Variants in ZNF71 observed in about 807,000 individuals in gnomAD.
The protein encoded by ZNF71 is zinc finger protein 71.
ZNF71 carries 3 observed loss-of-function variants against 6.7 expected under a neutral mutation model. The observed-to-expected ratio is 0.45, with a 90% CI of 0.20 to 1.16. The LOEUF is 1.16. ZNF71 is among the 50% of genes most tolerant of loss of function. The probability of loss-of-function intolerance (pLI) is 0.25; values close to 1 mark genes in which losing one functional copy is unlikely to be tolerated. For missense variants in ZNF71, 688 were observed against 728.6 expected, an observed-to-expected ratio of 0.94 and a Z score of 0.64; for synonymous variants, 343 against 311.1, an observed-to-expected ratio of 1.10 and a Z score of -1.08.
chr19:56,617,067 G>C (rs1006994988), intron 3 of ZNF71, among the ~76,000 whole-genome samples: 6 of 150,796 alleles, frequency 4.0e-5, no homozygotes, highest in African/African-American at 1.5e-4. Flanking sequence ...AAACCAAACT[G>C]TTAACTCTGG....
Position 56,598,791 on chromosome 19 carries a change from A to C in ZNF71, c.-52-2716A>C, listed in dbSNP as rs2044645167. On this transcript the variant is annotated intron_variant, in intron 1 of 3. Coordinates refer to ENST00000599599, the MANE Select transcript of ZNF71 (RefSeq NM_001370215.1). The surrounding 1 kb of genome is among the most constrained non-coding windows in gnomAD (Gnocchi z 4.2). ...GATTGAGTTCCAAAGGCTTCTGCCA[A>C]CTTGGCCTTATATATATGCCCCCCT... Among the ~76,000 whole-genome samples the C allele has an allele frequency of 6.6e-6, 1 of 150,750 alleles. No homozygotes were observed. The highest frequency in any genetic ancestry group is 2.5e-5 in the African/African-American group (1 of 40,650).
At chr19:56,620,998 C>T (rs1160654102) in intron 3 of ZNF71, among the ~76,000 whole-genome samples, 1 of 152,198 alleles carries the variant, frequency 6.6e-6, no homozygotes, top group Non-Finnish European at 1.5e-5. Flanking sequence ...TGCAGTTTCT[C>T]TCCAGGAGTG....
chr19:56,606,855 A>G (rs1465621899), intron 2 of ZNF71, among the ~76,000 whole-genome samples: 1 of 152,042 alleles, frequency 6.6e-6, no homozygotes, highest in Non-Finnish European at 1.5e-5. Flanking sequence ...GTCCCAGAAC[A>G]TTACCTCTGC....
At chr19:56,610,162 T>C (rs918515972) in intron 2 of ZNF71, 2 of 152,238 alleles carry the variant, frequency 1.3e-5, no homozygotes, top group African/African-American at 4.8e-5. Flanking sequence ...ATGGAAGTGC[T>C]AGGTCATAAG....
intron 3 of ZNF71, among the ~76,000 whole-genome samples, chr19:56,620,026 C>T (rs1381833215): frequency 1.3e-5 from 2 of 152,196 alleles, no homozygotes; most frequent in Non-Finnish European, 2.9e-5. Context: ...TGAACCCAAG[C>T]TCCACGGAAT....
At position 56,617,112 on chromosome 19, in the gene ZNF71, G is replaced by GTTTTTTTTTTTTTTTTT. The variant is rs748784485; in HGVS notation, c.160+3183_160+3184insTTTTTTTTTTTTTTTTT. 5.7e-5 allele frequency among the ~76,000 whole-genome samples: 8 copies of GTTTTTTTTTTTTTTTTT among 140,646 alleles called. 1 individual carries two copies. Among genetic ancestry groups the GTTTTTTTTTTTTTTTTT allele is most frequent in the Non-Finnish European group, 7.5e-5 (5 of 66,356 alleles). 92.3% of individuals were successfully genotyped at this position (140,646 alleles called of 152,430 possible). A position where few individuals can be genotyped will look rare whatever the true frequency, so the allele number is the denominator to read the frequency against. On this transcript the variant is annotated intron_variant, in intron 3 of 3. Transcript: ENST00000599599. ...TTACAGGAGACTTCCATTTTCTTTT[G>GTTTTTTTTTTTTTTTTT]TTTTTTTTTGTTTTTTTTGAGACAG...
chr19:56,621,855 G>T lies in ZNF71; in HGVS notation c.748G>T (p.Asp250Tyr). The T allele has an allele frequency of 6.2e-7, 1 of 1,612,042 alleles. No homozygotes were observed. Among genetic ancestry groups the T allele is most frequent in the South Asian group, 1.1e-5 (1 of 91,068 alleles). Residue 250 changes from aspartate (D) to tyrosine (Y), a missense_variant, in exon 4 of 4, where the codon GAC (aspartate) becomes TAC (tyrosine). By Grantham distance (160) the Asp-to-Tyr change is radical. Transcript: ENST00000599599. Reference protein sequence around the residue: ...HTGEKPYACGDCGKAFSQRMN... With the variant: ...HTGEKPYACGYCGKAFSQRMN... ...GGGCGAGAAGCCCTATGCCTGCGGG[G>T]ACTGCGGCAAGGCCTTCAGCCAGCG... is the stretch of plus-strand genomic sequence containing the variant.
chr19:56,601,780 G>A (rs73934487), intron 2 of ZNF71, among the ~76,000 whole-genome samples, 189 bp downstream of exon 2: 2,029 of 152,210 alleles, frequency 0.013, 37 homozygotes, highest in African/African-American at 0.044. Context: ...GGACAGGGAA[G>A]CTTTGGAATG....
Position 56,622,679 on chromosome 19 carries a change from G to A in ZNF71, c.1572G>A (p.Lys524=). The part of the protein sequence containing the change: ...TVHQRIHTGE[K]PYRCGECGKT... ...ACCAGCGGATCCACACGGGCGAGAA[G>A]CCCTACCGATGCGGCGAGTGCGGGA... The change falls in exon 4 of 4, where the codon AAG becomes AAA. Residue 524 remains lysine (K), a synonymous_variant. Transcript: ENST00000599599. 4.3e-6 allele frequency: 7 copies of A among 1,614,158 alleles called. No individual in the cohort carries two copies. The highest frequency in any genetic ancestry group is 5.1e-6 in the Non-Finnish European group (6 of 1,179,986).
intron 3 of ZNF71, among the ~76,000 whole-genome samples, chr19:56,616,475 A>G (rs927296697): frequency 6.6e-6 from 1 of 152,226 alleles, no homozygotes; most frequent in Admixed American, 6.5e-5. Context: ...ATTCTCCTCA[A>G]GATCATTCTG....
intron 3 of ZNF71, among the ~76,000 whole-genome samples, chr19:56,615,510 G>A (rs1049877223): frequency 2.0e-5 from 3 of 148,860 alleles, no homozygotes; most frequent in African/African-American, 7.3e-5. Flanking sequence ...GCGCTTATTT[G>A]ATGTTTGTAT....
At chr19:56,614,074 AAAGTT>A (rs1285319544) in intron 3 of ZNF71, 136 bp downstream of exon 3, 1 of 681,466 alleles carries the variant, frequency 1.5e-6, no homozygotes, top group Non-Finnish European at 1.8e-6. Flanking sequence ...AGCTAAAAAT[AAAGTT>A]GATCACGATG....
intron 1 of ZNF71, among the ~76,000 whole-genome samples, chr19:56,601,064 G>A (rs1032340940): frequency 6.6e-6 from 1 of 152,110 alleles, no homozygotes; most frequent in East Asian, 1.9e-4. Flanking sequence ...AGGGTGTCCG[G>A]TGGCCCTCAG....
At position 56,622,445 on chromosome 19, in the gene ZNF71, C is replaced by T; in HGVS notation, c.1338C>T (p.Ile446=). The T allele has an allele frequency of 1.2e-6, 2 of 1,610,486 alleles. No individual in the cohort carries two copies. Among genetic ancestry groups the T allele is most frequent in the Non-Finnish European group, 1.7e-6 (2 of 1,179,274 alleles). The part of the protein sequence containing the change: ...HTGEKPYECY[I]CKKHFTGRSS... Reference sequence around the variant, plus strand: ...GCGAGAAGCCCTACGAGTGCTACATCTGCAAGAAGCACTTCACGGGGCGCT... The same window carrying T: ...GCGAGAAGCCCTACGAGTGCTACATTTGCAAGAAGCACTTCACGGGGCGCT... Residue 446 remains isoleucine, a synonymous_variant, in exon 4 of 4, where the codon ATC becomes ATT. Coordinates refer to ENST00000599599, the MANE Select transcript of ZNF71 (RefSeq NM_001370215.1).
rs1270937455 is a variant in ZNF71 at position 56,623,613 on chromosome 19, A to G, written c.*856A>G. The G allele has an allele frequency of 3.0e-5, 5 of 167,100 alleles. No individual in the cohort carries two copies. The highest frequency in any genetic ancestry group is 1.2e-4 in the African/African-American group (5 of 41,450). The allele number at this position is 167,100 out of a possible 1,614,324, so 10.4% of individuals were successfully genotyped here. ...AGATTATTTTTATAGTGATTTTTGCAGCTAAATGTGAAGGCAACTGTCTTA... is the reference window on the plus strand; with the variant it reads ...AGATTATTTTTATAGTGATTTTTGCGGCTAAATGTGAAGGCAACTGTCTTA... On this transcript the variant is annotated 3_prime_UTR_variant, in exon 4 of 4. Transcript: ENST00000599599.
rs866997002 is a variant in ZNF71, at chr19:56,599,696, G to T, written c.-52-1811G>T. Among the ~76,000 whole-genome samples, 1,265 of 133,196 alleles carry T rather than the reference G, an allele frequency of 9.5e-3. 11 individuals carry two copies. The highest frequency in any genetic ancestry group is 0.045 in the Middle Eastern group (12 of 266). 87.4% of individuals were successfully genotyped at this position (133,196 alleles called of 152,430 possible). ...AATCTGATTACATTTTTAGTGTTTT[G>T]TTTTTTTTTTTTTTTGAGATGGAGT... is the stretch of plus-strand genomic sequence containing the variant. On this transcript the variant is annotated intron_variant, in intron 1 of 3. Coordinates refer to ENST00000599599, the MANE Select transcript of ZNF71 (RefSeq NM_001370215.1).
intron 2 of ZNF71, among the ~76,000 whole-genome samples, chr19:56,604,615 A>G (rs2044695601): frequency 6.6e-6 from 1 of 152,210 alleles, no homozygotes; most frequent in South Asian, 2.1e-4. Context: ...ACAGTTGTCC[A>G]AGGAAACACA....
chr19:56,608,974 T>A lies in ZNF71; in HGVS notation c.34-4838T>A, dbSNP rs112322558. Among the ~76,000 whole-genome samples, 1,223 of 152,314 alleles carry A rather than the reference T, an allele frequency of 8.0e-3. 11 individuals carry two copies. The highest frequency in any genetic ancestry group is 0.014 in the Non-Finnish European group (982 of 68,022). ...GTAGGCTATTATTTAATGAATCCCA[T>A]GACATGGATGTTATGGTTGTCCAAA... is the stretch of plus-strand genomic sequence containing the variant. On this transcript the variant is annotated intron_variant, in intron 2 of 3. Coordinates refer to ENST00000599599, the MANE Select transcript of ZNF71 (RefSeq NM_001370215.1).
chr19:56,621,790 T>G lies in ZNF71; in HGVS notation c.683T>G (p.Ile228Ser). The G allele has an allele frequency of 1.2e-6, 2 of 1,613,756 alleles. No individual in the cohort carries two copies. The highest frequency in any genetic ancestry group is 1.7e-6 in the Non-Finnish European group (2 of 1,179,970). The change falls in exon 4 of 4, where the codon ATC becomes AGC. Residue 228 changes from isoleucine (I) to serine (S), a missense_variant. By Grantham distance (142) the Ile-to-Ser change is moderately radical. Transcript: ENST00000599599. Reference sequence around the variant, plus strand: ...TGTGACACCTGTGGGAAGCACTTCATCGAGCGCTCGTCCCTCACCATCCAC... The same window carrying G: ...TGTGACACCTGTGGGAAGCACTTCAGCGAGCGCTCGTCCCTCACCATCCAC... ...FECDTCGKHF[I>S]ERSSLTIHQR...
Sources: gnomAD v4.1 joint callset for allele counts (sites outside exome capture counted in the v4.1 genomes callset) on GRCh38, gnomAD v4.1.1 for gene constraint, Gnocchi (gnomAD v3.1) non-coding constraint, MANE v1.5 for transcripts, NCBI Gene and HGNC (gene_info 2026-07-23, HGNC 2026-07-21) for gene names.